RPH3A: variants seen among roughly 807,000 people sequenced by gnomAD.
RPH3A encodes the protein rabphilin-3A.
A neutral mutation model predicts 102.2 loss-of-function variants in RPH3A; 48 were observed. The ratio of observed to expected loss-of-function variants is 0.47; its 90% CI spans 0.37 to 0.60. The LOEUF (loss-of-function observed/expected upper bound fraction) is 0.60, where lower values mean the gene tolerates loss of function less well. RPH3A is among the 20% of genes least tolerant of loss of function. RPH3A has a pLI of 0.00. For synonymous variants in RPH3A, 310 were observed against 324.3 expected, an observed-to-expected ratio of 0.96 and a Z score of 0.47; for missense variants, 781 against 910.1, an observed-to-expected ratio of 0.86 and a Z score of 1.83.
intron 1 of RPH3A, among the ~76,000 whole-genome samples, chr12:112,740,010 T>G (rs2040697777): frequency 6.6e-6 from 1 of 152,162 alleles, no homozygotes; most frequent in South Asian, 2.1e-4. Flanking sequence ...TCACCCTCCC[T>G]TATAGCCTCA....
intron 1 of RPH3A, among the ~76,000 whole-genome samples, chr12:112,728,438 G>A (rs181321798): frequency 2.0e-5 from 3 of 152,098 alleles, no homozygotes; most frequent in Admixed American, 6.5e-5. Context: ...TCAAATGAAC[G>A]CCCTCAACTT....
At chr12:112,828,473 A>G (rs1369109119) in intron 3 of RPH3A, 84 bp downstream of exon 3, 3 of 1,008,876 alleles carry the variant, frequency 3.0e-6, no homozygotes, top group Non-Finnish European at 4.5e-6. Context: ...AAGAAGGAAT[A>G]GCTTCCTTCC....
rs1199473241 is a variant in RPH3A at position 112,679,771 on chromosome 12, AAGGGTG to A, written c.-140+104457_-140+104462del. On this transcript the variant is annotated intron_variant, in intron 1 of 21. Coordinates refer to the RPH3A transcript ENST00000543106. Reference sequence around the variant, plus strand: ...AGGCTGTGCCAGGGGTTTGTCATACAAGGGTGAGGGCAAAACTCATGGTCTGCTCTC... The same window carrying A: ...AGGCTGTGCCAGGGGTTTGTCATACAAGGGCAAAACTCATGGTCTGCTCTC... 2.2e-4 allele frequency among the ~76,000 whole-genome samples: 34 copies of A among 152,288 alleles called. No individual in the cohort carries two copies. In the East Asian group the frequency reaches 5.2e-3, roughly 23 times the overall value.
At chr12:112,861,953 C>T (rs2042521778) in intron 5 of RPH3A, among the ~76,000 whole-genome samples, 2 of 139,582 alleles carry the variant, frequency 1.4e-5, no homozygotes, top group Admixed American at 8.0e-5. Context: ...GCGGAGTTTG[C>T]AGTTAGCCGA....
chr12:112,863,605 C>T (rs969782026), intron 5 of RPH3A, among the ~76,000 whole-genome samples: 2 of 152,254 alleles, frequency 1.3e-5, no homozygotes, highest in East Asian at 3.8e-4. Flanking sequence ...AGGCGTGAGC[C>T]ACCATGCCCA....
At chr12:112,871,622 C>T (rs1036242077) in intron 10 of RPH3A, among the ~76,000 whole-genome samples, 2 of 151,780 alleles carry the variant, frequency 1.3e-5, no homozygotes, top group Non-Finnish European at 1.5e-5. Context: ...ATAAATAACT[C>T]CTACAAGCTT....
intron 1 of RPH3A, among the ~76,000 whole-genome samples, chr12:112,613,859 G>A (rs1592907644): frequency 6.6e-6 from 1 of 152,200 alleles, no homozygotes; most frequent in East Asian, 1.9e-4. Flanking sequence ...CGAGAGGATT[G>A]CTTGAGCCCA....
chr12:112,786,061 T>C (rs113333189), intron 1 of RPH3A, among the ~76,000 whole-genome samples: 1 of 152,166 alleles, frequency 6.6e-6, no homozygotes, highest in African/African-American at 2.4e-5. Context: ...CTGAGGAGAC[T>C]GAGGTTCGGA....
At position 112,610,505 on chromosome 12, in the gene RPH3A, T is replaced by C. The variant is rs1307802728; in HGVS notation, c.-140+35186T>C. 3.5e-5 allele frequency among the ~76,000 whole-genome samples: 4 copies of C among 112,884 alleles called. No homozygotes were observed. In the South Asian group the frequency reaches 1.2e-3, roughly 34 times the overall value. The allele number at this position is 112,884 out of a possible 152,430, so 74.1% of individuals were successfully genotyped here. A position where few individuals can be genotyped will look rare whatever the true frequency, so the allele number is the denominator to read the frequency against. On this transcript the variant is annotated intron_variant, in intron 1 of 21. Transcript: ENST00000543106. ...GCAACAGAGTGAGACTCTGTCTCAATTAAAAAAAAAAAAAAAAAAAGCCTT... is the reference window on the plus strand; with the variant it reads ...GCAACAGAGTGAGACTCTGTCTCAACTAAAAAAAAAAAAAAAAAAAGCCTT...
At chr12:112,713,200 G>A (rs768519290) in intron 1 of RPH3A, among the ~76,000 whole-genome samples, 2 of 151,312 alleles carry the variant, frequency 1.3e-5, no homozygotes, top group Non-Finnish European at 2.9e-5. Flanking sequence ...TCAAAGTGCT[G>A]GGATTATAGG....
In RPH3A at chr12:112,637,134, G is replaced by A. The variant is rs144648918; in HGVS notation, c.-140+61815G>A. Among the ~76,000 whole-genome samples, 94 of 151,926 alleles carry A rather than the reference G, an allele frequency of 6.2e-4. 3 individuals are homozygous for A. In the East Asian group the frequency reaches 0.016, roughly 25 times the overall value. On this transcript the variant is annotated intron_variant, in intron 1 of 21. Transcript: ENST00000543106. ...AGAGTATTTCCAAACATATATAACC[G>A]TTCATAATAACATCTTTATAATCCT...
At chr12:112,719,634 G>C (rs1030923498) in intron 1 of RPH3A, among the ~76,000 whole-genome samples, 1 of 151,976 alleles carries the variant, frequency 6.6e-6, no homozygotes, top group Middle Eastern at 3.4e-3. Context: ...TTCAATAAAG[G>C]TTTGTGGAAT....
intron 16 of RPH3A, among the ~76,000 whole-genome samples, chr12:112,884,314 G>A (rs1456701972): frequency 6.6e-6 from 1 of 152,136 alleles, no homozygotes; most frequent in African/African-American, 2.4e-5. Context: ...GCAAGTTGAA[G>A]CTCCTTTTGT....
At chr12:112,597,383 G>T (rs1304741504) in intron 1 of RPH3A, among the ~76,000 whole-genome samples, 2 of 152,132 alleles carry the variant, frequency 1.3e-5, no homozygotes, top group African/African-American at 4.8e-5. Flanking sequence ...AGGAGTTTAA[G>T]ACCAGCCCGG....
chr12:112,770,136 G>T (rs1223683045), intron 1 of RPH3A, among the ~76,000 whole-genome samples: 1 of 152,016 alleles, frequency 6.6e-6, no homozygotes, highest in African/African-American at 2.4e-5. Flanking sequence ...GATGTATCAT[G>T]ACTTATTTAG....
intron 5 of RPH3A, among the ~76,000 whole-genome samples, chr12:112,855,361 A>G (rs1299512351): frequency 2.0e-5 from 3 of 152,180 alleles, no homozygotes; most frequent in Non-Finnish European, 2.9e-5. Context: ...AACAATCACA[A>G]CTATTGCTGT....
At chr12:112,863,734 C>G (rs2042561523) in intron 5 of RPH3A, among the ~76,000 whole-genome samples, 1 of 152,242 alleles carries the variant, frequency 6.6e-6, no homozygotes, top group Non-Finnish European at 1.5e-5. Context: ...GTGCCTCCCT[C>G]CTGGAAGTGG....
intron 1 of RPH3A, among the ~76,000 whole-genome samples, chr12:112,600,695 T>G (rs969258569): frequency 4.6e-5 from 7 of 152,234 alleles, no homozygotes; most frequent in African/African-American, 1.7e-4. Flanking sequence ...TTGAACCCTC[T>G]GAACTGTTCC....
chr12:112,811,706 T>C (rs1359969799), intron 2 of RPH3A, among the ~76,000 whole-genome samples: 1 of 152,230 alleles, frequency 6.6e-6, no homozygotes, highest in Non-Finnish European at 1.5e-5. Flanking sequence ...TTTTGGGGAT[T>C]CCAAATTTTA....
Sources: allele counts gnomAD v4.1 joint callset (sites outside exome capture counted in the v4.1 genomes callset), GRCh38; gene constraint gnomAD v4.1.1; transcripts MANE v1.5; gene names NCBI Gene and HGNC (gene_info 2026-07-23, HGNC 2026-07-21).